DEPTOR: variants seen among roughly 807,000 people sequenced by gnomAD.
DEPTOR encodes DEP domain-containing mTOR-interacting protein.
Under a neutral mutation model 41.6 loss-of-function variants are expected in DEPTOR, and 41 were observed. The observed-to-expected ratio is 0.98, with a 90% confidence interval of 0.77 to 1.28. DEPTOR has a LOEUF of 1.28. Among genes scored for constraint, DEPTOR ranks in the 50% most tolerant of loss-of-function variants. DEPTOR has a pLI of 0.00. For missense variants in DEPTOR, 514 were observed against 527.9 expected (o/e 0.97, Z 0.26); for synonymous variants, 195 against 192.3 (o/e 1.01, Z -0.12).
At chr8:119,960,179 A>G (rs865809828) in intron 3 of DEPTOR, among the ~76,000 whole-genome samples, 1 of 151,916 alleles carries the variant, frequency 6.6e-6, no homozygotes, top group Non-Finnish European at 1.5e-5. Flanking sequence ...AGCCAAGATC[A>G]TGCCACTGCA....
intron 4 of DEPTOR, among the ~76,000 whole-genome samples, chr8:119,986,345 G>C (rs1380104585): frequency 1.3e-5 from 2 of 152,126 alleles, no homozygotes; most frequent in Non-Finnish European, 2.9e-5. Flanking sequence ...TAAGAATGTT[G>C]AATTTTGCCC....
chr8:119,936,576 G>T (rs1180204322), intron 3 of DEPTOR, among the ~76,000 whole-genome samples: 1 of 152,184 alleles, frequency 6.6e-6, no homozygotes, highest in Non-Finnish European at 1.5e-5. Context: ...TGTGGAGAGA[G>T]GTTTAATGAC....
chr8:119,969,290 C>T (rs1828602946), intron 4 of DEPTOR, among the ~76,000 whole-genome samples: 1 of 151,848 alleles, frequency 6.6e-6, no homozygotes, highest in Non-Finnish European at 1.5e-5. Flanking sequence ...TAAACAGAAA[C>T]ACCATAAAGG....
chr8:119,966,403 G>A (rs1160414405), intron 4 of DEPTOR, among the ~76,000 whole-genome samples: 5 of 152,224 alleles, frequency 3.3e-5, no homozygotes, highest in East Asian at 1.9e-4. Context: ...AAGGATGTGC[G>A]TAGGTTATAC....
chr8:120,026,733 G>A (rs1171756332), intron 8 of DEPTOR, among the ~76,000 whole-genome samples: 4 of 152,080 alleles, frequency 2.6e-5, no homozygotes, highest in Non-Finnish European at 5.9e-5. Flanking sequence ...GTGGAATCTG[G>A]TCACTCCTGA....
chr8:119,965,562 T>C (rs574845228), intron 4 of DEPTOR, 152 bp downstream of exon 4: 1 of 928,222 alleles, frequency 1.1e-6, no homozygotes, highest in East Asian at 2.6e-5. Context: ...GGGGGTCAAA[T>C]TCAGGTCTGT....
intron 1 of DEPTOR, among the ~76,000 whole-genome samples, chr8:119,892,666 T>C (rs1827466312): frequency 6.6e-6 from 1 of 152,180 alleles, no homozygotes; most frequent in Non-Finnish European, 1.5e-5. Context: ...ATCTATGAAA[T>C]ACAAGAAGCT....
chr8:119,978,492 A>C (rs1268871680), intron 4 of DEPTOR, among the ~76,000 whole-genome samples: 1 of 152,196 alleles, frequency 6.6e-6, no homozygotes, highest in Non-Finnish European at 1.5e-5. Context: ...GAGCTAGATC[A>C]TACTCGTCAA....
chr8:119,929,669 A>G, intron 2 of DEPTOR, 146 bp from the exon 3 acceptor site: 1 of 1,071,478 alleles, frequency 9.3e-7, no homozygotes, highest in Middle Eastern at 2.6e-4. Flanking sequence ...TAACTATTTT[A>G]CAAGTATTAG....
Position 120,002,342 on chromosome 8 carries a change from G to T in DEPTOR, c.790+632G>T, listed in dbSNP as rs562780672. 3.3e-5 allele frequency among the ~76,000 whole-genome samples: 5 copies of T among 152,096 alleles called. No individual in the cohort carries two copies. In the East Asian group the frequency reaches 9.8e-4, roughly 30 times the overall value. Reference sequence around the variant, plus strand: ...TTTAGTAGAGATAGGGTTTCACTATGTTGGCCAGGCTGGTCTCAAACTCCT... The same window carrying T: ...TTTAGTAGAGATAGGGTTTCACTATTTTGGCCAGGCTGGTCTCAAACTCCT... On this transcript the variant is annotated intron_variant, in intron 5 of 8. Transcript: ENST00000286234.
At chr8:119,875,273 A>C (rs1159337676) in intron 1 of DEPTOR, among the ~76,000 whole-genome samples, 3 of 152,142 alleles carry the variant, frequency 2.0e-5, no homozygotes, top group Non-Finnish European at 4.4e-5. Context: ...GACTGAGTCT[A>C]AAAACGGAGT....
In DEPTOR at chr8:119,965,381, G is replaced by A. The variant is rs146230858; in HGVS notation, c.575G>A (p.Arg192Gln). The change falls in exon 4 of 9, where the codon CGG (arginine) becomes CAG (glutamine). Residue 192 changes from arginine to glutamine, a missense_variant. Coordinates refer to ENST00000286234, the MANE Select transcript of DEPTOR (RefSeq NM_022783.4). ...TRKEAEQLCH[R>Q]LMEHGIIQHV... is the part of the protein sequence containing the mutation. ...AAAGAGGCAGAGCAGCTTTGCCACC[G>A]GCTTATGGAGCATGGCATCATCCAG... 4.0e-5 allele frequency: 65 copies of A among 1,613,870 alleles called. No homozygotes were observed. The highest frequency in any genetic ancestry group is 5.1e-5 in the Non-Finnish European group (60 of 1,180,002).
chr8:120,033,683 TGG>T (rs1377271036), intron 8 of DEPTOR, among the ~76,000 whole-genome samples: 2 of 152,212 alleles, frequency 1.3e-5, no homozygotes, highest in Non-Finnish European at 2.9e-5. Flanking sequence ...TTTCTCTGAC[TGG>T]TGTGCTAGGC....
At chr8:120,019,293 A>G (rs1443596124) in intron 8 of DEPTOR, among the ~76,000 whole-genome samples, 2 of 152,184 alleles carry the variant, frequency 1.3e-5, no homozygotes, top group African/African-American at 4.8e-5. Context: ...CAACAAAGTG[A>G]GACTCTCTCA....
chr8:120,043,079 C>CT (rs144907492), intron 8 of DEPTOR, among the ~76,000 whole-genome samples: 17 of 150,408 alleles, frequency 1.1e-4, no homozygotes, highest in East Asian at 3.9e-4. Flanking sequence ...TAGAACTCTT[C>CT]TTTTTTTTTA....
At chr8:119,874,047 C>G in intron 1 of DEPTOR, 79 bp downstream of exon 1, 3 of 1,580,874 alleles carry the variant, frequency 1.9e-6, no homozygotes, top group Non-Finnish European at 2.6e-6. Context: ...CGCACGCGCT[C>G]CCTGGCTCGT....
intron 4 of DEPTOR, among the ~76,000 whole-genome samples, chr8:119,986,811 G>A (rs552497734): frequency 4.0e-5 from 6 of 151,546 alleles, no homozygotes; most frequent in Non-Finnish European, 8.8e-5. Context: ...TCTTCTGCTT[G>A]ATCGATTCAG....
rs190817034 is a variant in DEPTOR, at chr8:120,046,320, C to T, written c.1102-3256C>T. Among the ~76,000 whole-genome samples the T allele has an allele frequency of 8.9e-4, 135 of 152,032 alleles. No individual in the cohort carries two copies. In the Middle Eastern group the frequency reaches 0.01, roughly 11 times the overall value. On this transcript the variant is annotated intron_variant, in intron 8 of 8. Coordinates refer to ENST00000286234, the MANE Select transcript of DEPTOR (RefSeq NM_022783.4). ...GCATTTTTATCACCCCTAAAAGAAA[C>T]CCCGTACCCATTACCAACCACTTCC...
At chr8:119,943,030 C>T (rs1828223436) in intron 3 of DEPTOR, among the ~76,000 whole-genome samples, 2 of 152,190 alleles carry the variant, frequency 1.3e-5, no homozygotes, top group Non-Finnish European at 2.9e-5. Context: ...GTATGTGGGA[C>T]ATTTCTGTTT....
Sources: allele counts gnomAD v4.1 joint callset (sites outside exome capture counted in the v4.1 genomes callset), GRCh38; gene constraint gnomAD v4.1.1; transcripts MANE v1.5; gene names NCBI Gene and HGNC (gene_info 2026-07-23, HGNC 2026-07-21).